The following OLFML2B variants were observed in gnomAD, a reference collection of about 807,000 sequenced individuals.
OLFML2B encodes olfactomedin-like protein 2B.
OLFML2B carries 57 observed loss-of-function variants against 74.9 expected under a neutral mutation model. The ratio of observed to expected loss-of-function variants is 0.76; its 90% CI spans 0.61 to 0.95. The LOEUF (loss-of-function observed/expected upper bound fraction) is 0.95, where lower values mean the gene tolerates loss of function less well. Ranked by LOEUF, OLFML2B falls within the 40% of genes least tolerant of loss-of-function variation. The pLI, the probability that OLFML2B is intolerant of heterozygous loss-of-function variation, is 0.00. For synonymous variants in OLFML2B, 388 were observed against 405.8 expected (o/e 0.96, Z 0.53); for missense variants, 986 against 970.6 (o/e 1.02, Z -0.21).
intron 3 of OLFML2B, among the ~76,000 whole-genome samples, chr1:162,008,638 G>A (rs571763300): frequency 6.6e-6 from 1 of 152,230 alleles, no homozygotes; most frequent in African/African-American, 2.4e-5. Flanking sequence ...AAAGTGTGGT[G>A]CAGAGTTCAG....
rs1460566719 is a variant in OLFML2B at position 162,022,260 on chromosome 1, T to TTTTTTTTTTTTTTTTTTTTTTTTTC, written c.174+996_174+997insGAAAAAAAAAAAAAAAAAAAAAAAA. Among the ~76,000 whole-genome samples the TTTTTTTTTTTTTTTTTTTTTTTTTC allele has an allele frequency of 2.0e-3, 258 of 127,656 alleles. 1 individual carries two copies. The highest frequency in any genetic ancestry group is 2.6e-3 in the Non-Finnish European group (159 of 60,346). 83.7% of individuals were successfully genotyped at this position (127,656 alleles called of 152,430 possible). ...GTATCTCTTCTTTTTTTTTTTTTTTTTTTTTTTTGAGACGGAGTCTCACTC... is the reference window on the plus strand; with the variant it reads ...GTATCTCTTCTTTTTTTTTTTTTTTTTTTTTTTTTTTTTTTTTTTTTTTTCTTTTTTTTGAGACGGAGTCTCACTC... On this transcript the variant is annotated intron_variant, in intron 1 of 7. Coordinates refer to ENST00000294794, the MANE Select transcript of OLFML2B (RefSeq NM_015441.3).
rs1485967205 is a variant in OLFML2B, at chr1:161,997,821, T to G, written c.1474+4A>C. The G allele has an allele frequency of 6.2e-7, 1 of 1,607,248 alleles. No homozygotes were observed. The highest frequency in any genetic ancestry group is 8.5e-7 in the Non-Finnish European group (1 of 1,175,378). ...GAGACCAAGGCCAGGTACAATGAAC[T>G]TACCTATGACATTCCGGATGTCATC... On this transcript the variant is annotated splice_donor_region_variant and intron_variant, in intron 6 of 7. Transcript: ENST00000294794.
chr1:161,991,130 C>T lies in OLFML2B; in HGVS notation c.1475-6150G>A, dbSNP rs1689730891. Among the ~76,000 whole-genome samples the T allele has an allele frequency of 2.6e-5, 4 of 152,178 alleles. No individual in the cohort carries two copies. In the South Asian group the frequency reaches 8.3e-4, roughly 31 times the overall value. On this transcript the variant is annotated intron_variant, in intron 6 of 7. Transcript: ENST00000294794. The stretch of plus-strand genomic sequence containing the variant: ...CCATGAGGGTTGGAATCAACTTATT[C>T]CAAACTCCTGTTAATGTTGATATTT...
chr1:161,985,230 T>A (rs1689559656), intron 6 of OLFML2B: 1 of 408,410 alleles, frequency 2.4e-6, no homozygotes. Flanking sequence ...TTGCTCCTGT[T>A]CTGACTTCTC....
chr1:162,023,502 T>A lies in OLFML2B; in HGVS notation c.-72A>T. On this transcript the variant is annotated 5_prime_UTR_variant, in exon 1 of 8. Transcript: ENST00000294794. ...GGCGGGGGGTCTCGGCAAGGACTTC[T>A]GCGAGAGGGTGTCCTCGCTAGAGCC... is the stretch of plus-strand genomic sequence containing the variant. 7.3e-7 allele frequency: 1 copy of A among 1,367,364 alleles called. No individual in the cohort carries two copies. The allele number at this position is 1,367,364 out of a possible 1,614,324, so 84.7% of individuals were successfully genotyped here.
chr1:162,020,134 A>G lies in OLFML2B; in HGVS notation c.223T>C (p.Cys75Arg). 1 of 1,614,216 alleles carries G rather than the reference A, an allele frequency of 6.2e-7. No homozygotes were observed. The highest frequency in any genetic ancestry group is 8.5e-7 in the Non-Finnish European group (1 of 1,180,034). ...GGTCTCACCACACACTTGCACTGAC[A>G]GTCCGAGCCCTCAGACATAGCCTTG... ...KVKAMSEGSD[C>R]QCKCVVRPLG... Residue 75 changes from cysteine (C) to arginine (R), a missense_variant, in exon 2 of 8, where the codon TGT becomes CGT. Physicochemically the swap from Cys to Arg is radical, Grantham distance 180 (BLOSUM62 -3). Coordinates refer to ENST00000294794, the MANE Select transcript of OLFML2B (RefSeq NM_015441.3).
At chr1:161,990,169 G>A (rs1571284793) in intron 6 of OLFML2B, among the ~76,000 whole-genome samples, 2 of 152,226 alleles carry the variant, frequency 1.3e-5, no homozygotes, top group South Asian at 4.1e-4. Context: ...GTTTTGTGCA[G>A]TATTTCCACT....
intron 3 of OLFML2B, among the ~76,000 whole-genome samples, chr1:162,007,628 T>C (rs543599904): frequency 1.1e-4 from 17 of 152,100 alleles, no homozygotes; most frequent in Non-Finnish European, 2.4e-4. Context: ...ACACAGGAAG[T>C]GTAAAAGCTG....
rs141945594 is a variant in OLFML2B at position 161,984,920 on chromosome 1, C to T, written c.1535G>A (p.Arg512Gln). The change falls in exon 7 of 8, where the codon CGG becomes CAG. Residue 512 changes from arginine to glutamine, a missense_variant. Physicochemically the swap from Arg to Gln is conservative, Grantham distance 43. Transcript: ENST00000294794. Reference sequence around the variant, plus strand: ...GTCCTTCATCCAGGCCCCTTCATTCCGCCCATATGTGTTCTGGGTGGTCGG... The same window carrying T: ...GTCCTTCATCCAGGCCCCTTCATTCTGCCCATATGTGTTCTGGGTGGTCGG... ...TGPTTQNTYG[R>Q]NEGAWMKDPL... 225 of 1,611,788 alleles carry T rather than the reference C, an allele frequency of 1.4e-4. 1 individual carries two copies. In the East Asian group the frequency reaches 3.0e-3, roughly 21 times the overall value.
intron 3 of OLFML2B, among the ~76,000 whole-genome samples, chr1:162,010,749 G>C (rs1042125846): frequency 6.6e-6 from 1 of 152,092 alleles, no homozygotes; most frequent in Non-Finnish European, 1.5e-5. Flanking sequence ...GGGTGTGGTC[G>C]GGGGAGGGTG....
Position 162,017,414 on chromosome 1 carries a change from C to G in OLFML2B, c.532G>C (p.Asp178His). 1 of 1,612,844 alleles carries G rather than the reference C, an allele frequency of 6.2e-7. No homozygotes were observed. The highest frequency in any genetic ancestry group is 8.5e-7 in the Non-Finnish European group (1 of 1,179,476). ...SVTTKLVGRV[D>H]KLEEEVSKNL... Reference sequence around the variant, plus strand: ...ATCTTCCTTACCTCCTCCAGTTTATCCACTCGCCCCACCAGTTTGGTGGTG... The same window carrying G: ...ATCTTCCTTACCTCCTCCAGTTTATGCACTCGCCCCACCAGTTTGGTGGTG... The change falls in exon 3 of 8, where the codon GAT (aspartate) becomes CAT (histidine). Residue 178 changes from aspartate to histidine, a missense_variant. Asp to His is a moderately conservative substitution (Grantham distance 81). Coordinates refer to ENST00000294794, the MANE Select transcript of OLFML2B (RefSeq NM_015441.3).
intron 4 of OLFML2B, among the ~76,000 whole-genome samples, chr1:162,002,904 T>A (rs1690119874): frequency 1.3e-5 from 2 of 152,224 alleles, no homozygotes; most frequent in Admixed American, 1.3e-4. Context: ...AATGAACACC[T>A]ATTATGGCCA....
chr1:162,000,664 C>T (rs996348919), intron 4 of OLFML2B, among the ~76,000 whole-genome samples: 3 of 152,128 alleles, frequency 2.0e-5, no homozygotes, highest in African/African-American at 2.4e-5. Context: ...GAATCAGTGT[C>T]GCTATGCTTG....
chr1:162,009,935 C>T (rs1690329665), intron 3 of OLFML2B, among the ~76,000 whole-genome samples: 1 of 152,218 alleles, frequency 6.6e-6, no homozygotes, highest in Non-Finnish European at 1.5e-5. Flanking sequence ...ATAGGTGAAC[C>T]CCATGACCTC....
At chr1:161,989,975 T>C (rs779108741) in intron 6 of OLFML2B, among the ~76,000 whole-genome samples, 12 of 152,248 alleles carry the variant, frequency 7.9e-5, no homozygotes, top group Non-Finnish European at 1.3e-4. Flanking sequence ...CCCTATCATA[T>C]TCTTTCTTGT....
At position 161,983,431 on chromosome 1, in the gene OLFML2B, A is replaced by G. The variant is rs770159741; in HGVS notation, c.*244T>C. 2.8e-6 allele frequency: 1 copy of G among 362,662 alleles called. No individual in the cohort carries two copies. Among genetic ancestry groups the G allele is most frequent in the Non-Finnish European group, 4.9e-6 (1 of 202,806 alleles). 22.5% of individuals were successfully genotyped at this position (362,662 alleles called of 1,614,324 possible). A position where few individuals can be genotyped will look rare whatever the true frequency, so the allele number is the denominator to read the frequency against. On this transcript the variant is annotated 3_prime_UTR_variant, in exon 8 of 8. Coordinates refer to ENST00000294794, the MANE Select transcript of OLFML2B (RefSeq NM_015441.3). ...CTTGAAGGAAGGTGGTTACTGGTCA[A>G]AAGGAGAAGTTCATTTGCACAAAAA...
Position 162,023,382 on chromosome 1 carries a change from G to C in OLFML2B, c.49C>G (p.Pro17Ala). The C allele has an allele frequency of 1.2e-6, 2 of 1,602,790 alleles. No individual in the cohort carries two copies. The highest frequency in any genetic ancestry group is 1.7e-6 in the Non-Finnish European group (2 of 1,173,434). ...AGGACAATGCTGGACACCCAGGCCG[G>C]AACCACAATCAGAGCGAAGTAGAGA... ...LVLYFALIVV[P>A]AWVSSIVLTG... Residue 17 changes from proline to alanine, a missense_variant, in exon 1 of 8, where the codon CCG (proline) becomes GCG (alanine). Transcript: ENST00000294794.
Position 161,984,112 on chromosome 1 carries a change from A to G in OLFML2B, c.1816T>C (p.Tyr606His). ...CATCGCCAGGGGGTGGCCTCCTCGT[A>G]GGCCACGTCATGCAGCATGGCCCAG... The part of the protein sequence containing the change: ...AAWAMLHDVA[Y>H]EEATPWRWQG... Residue 606 changes from tyrosine to histidine, a missense_variant, in exon 8 of 8, where the codon TAC becomes CAC. Coordinates refer to ENST00000294794, the MANE Select transcript of OLFML2B (RefSeq NM_015441.3). The G allele has an allele frequency of 6.2e-7, 1 of 1,611,256 alleles. No homozygotes were observed. Among genetic ancestry groups the G allele is most frequent in the Non-Finnish European group, 8.5e-7 (1 of 1,178,054 alleles).
rs79163067 is a variant in OLFML2B at position 161,989,820 on chromosome 1, A to G, written c.1475-4840T>C. On this transcript the variant is annotated intron_variant, in intron 6 of 7. Coordinates refer to ENST00000294794, the MANE Select transcript of OLFML2B (RefSeq NM_015441.3). ...TGAGCACAGAATTGCAGGTAGACCC[A>G]CTACGTGCCTGAGTTCAGTGAGATT... 5.8e-3 allele frequency among the ~76,000 whole-genome samples: 888 copies of G among 152,350 alleles called. 10 individuals carry two copies. The highest frequency in any genetic ancestry group is 0.02 in the African/African-American group (812 of 41,582).
Sources: gnomAD v4.1 joint callset for allele counts (sites outside exome capture counted in the v4.1 genomes callset) on GRCh38, gnomAD v4.1.1 for gene constraint, MANE v1.5 for transcripts, NCBI Gene and HGNC (gene_info 2026-07-23, HGNC 2026-07-21) for gene names.